The following ERC2 variants were observed in gnomAD, a reference collection of about 807,000 sequenced individuals.
ERC2 encodes ERC protein 2.
Under a neutral mutation model 114.8 loss-of-function variants are expected in ERC2, and 42 were observed. The ratio of observed to expected loss-of-function variants is 0.37; its 90% confidence interval spans 0.29 to 0.47. The LOEUF is 0.47. Ranked by LOEUF, ERC2 falls within the 20% of genes least tolerant of loss-of-function variation. The pLI, the probability that ERC2 is intolerant of heterozygous loss-of-function variation, is 0.99. For missense variants in ERC2, 939 were observed against 1,150.7 expected, an observed-to-expected ratio of 0.82 and a Z score of 2.66; for synonymous variants, 454 against 425.5, an observed-to-expected ratio of 1.07 and a Z score of -0.82.
intron 16 of ERC2, among the ~76,000 whole-genome samples, chr3:55,687,912 G>A (rs2062419705): frequency 6.6e-6 from 1 of 152,222 alleles, no homozygotes; most frequent in African/African-American, 2.4e-5. Flanking sequence ...CAAATGTGGG[G>A]CACCGAGCCT....
At chr3:56,207,227 A>G (rs545734712) in intron 3 of ERC2, among the ~76,000 whole-genome samples, 2 of 152,070 alleles carry the variant, frequency 1.3e-5, no homozygotes, top group African/African-American at 4.8e-5. Flanking sequence ...ATTCAAAACA[A>G]GGGATTATTT....
intron 2 of ERC2, among the ~76,000 whole-genome samples, chr3:56,307,930 A>T (rs1277269153): frequency 6.6e-6 from 1 of 152,192 alleles, no homozygotes; most frequent in Non-Finnish European, 1.5e-5. Flanking sequence ...AGAGGACCAG[A>T]GGGAAACTGT....
At chr3:56,462,813 T>G (rs2063374861) in intron 1 of ERC2, among the ~76,000 whole-genome samples, 2 of 152,176 alleles carry the variant, frequency 1.3e-5, no homozygotes, top group Non-Finnish European at 2.9e-5. Context: ...GGCTTACAAG[T>G]AAAGAGCTTT....
At chr3:56,328,105 A>T (rs1206201376) in intron 2 of ERC2, among the ~76,000 whole-genome samples, 1 of 152,222 alleles carries the variant, frequency 6.6e-6, no homozygotes, top group African/African-American at 2.4e-5. Context: ...TGGGGCAGAA[A>T]TAAAGTGCTA....
At chr3:55,583,380 T>C (rs2057363507) in intron 17 of ERC2, among the ~76,000 whole-genome samples, 1 of 130,898 alleles carries the variant, frequency 7.6e-6, no homozygotes, top group Non-Finnish European at 1.6e-5. Flanking sequence ...CCTTCTTTCC[T>C]TCTTTCTTTC....
At chr3:55,682,682 C>T (rs1404453097) in intron 17 of ERC2, among the ~76,000 whole-genome samples, 1 of 152,214 alleles carries the variant, frequency 6.6e-6, no homozygotes, top group Non-Finnish European at 1.5e-5. Flanking sequence ...AATTGTCCCA[C>T]ACCTGTTGAA....
intron 14 of ERC2, chr3:55,852,741 A>G (rs1427464714): frequency 6.6e-6 from 1 of 152,530 alleles, no homozygotes; most frequent in African/African-American, 2.4e-5. Flanking sequence ...AACATTTAAG[A>G]CATTTCACTA....
At chr3:56,118,866 G>A (rs989553389) in intron 6 of ERC2, among the ~76,000 whole-genome samples, 2 of 152,008 alleles carry the variant, frequency 1.3e-5, no homozygotes, top group Non-Finnish European at 2.9e-5. Context: ...TTGATCTCCT[G>A]ACCTTGTGAC....
chr3:55,926,273 G>A (rs374377175), intron 13 of ERC2, among the ~76,000 whole-genome samples: 11 of 151,916 alleles, frequency 7.2e-5, no homozygotes, highest in African/African-American at 1.7e-4. Flanking sequence ...ACAGCAAAAC[G>A]TCCAGAAGCT....
At chr3:56,170,598 T>G (rs868681753) in intron 4 of ERC2, among the ~76,000 whole-genome samples, 10 of 135,188 alleles carry the variant, frequency 7.4e-5, no homozygotes, top group East Asian at 2.2e-4. Context: ...TTTTTTTTTT[T>G]TTTTTTTTTT....
chr3:56,063,498 T>C (rs915441833), intron 7 of ERC2, among the ~76,000 whole-genome samples: 2 of 152,226 alleles, frequency 1.3e-5, no homozygotes, highest in Non-Finnish European at 1.5e-5. Context: ...CCAACAGTGA[T>C]GGTCAGTTTG....
chr3:56,322,702 A>T (rs2057182966), intron 2 of ERC2, among the ~76,000 whole-genome samples: 1 of 151,890 alleles, frequency 6.6e-6, no homozygotes, highest in Non-Finnish European at 1.5e-5. Flanking sequence ...CAGCACAAGG[A>T]GGGGAAGCCC....
chr3:55,972,676 T>C (rs1235244687), intron 12 of ERC2, among the ~76,000 whole-genome samples: 1 of 152,194 alleles, frequency 6.6e-6, no homozygotes, highest in African/African-American at 2.4e-5. Context: ...GAGTATAACA[T>C]TGATGGGCAT....
chr3:55,743,607 AAAAAAAGAAACAAG>A (rs2066114998), intron 14 of ERC2, among the ~76,000 whole-genome samples: 1 of 151,466 alleles, frequency 6.6e-6, no homozygotes, highest in Non-Finnish European at 1.5e-5. Context: ...AAAAAAAAAA[AAAAAAAGAAACAAG>A]AAAAAAAGAA....
chr3:56,135,879 T>C (rs1033871437), intron 6 of ERC2, among the ~76,000 whole-genome samples: 4 of 152,178 alleles, frequency 2.6e-5, no homozygotes, highest in African/African-American at 9.7e-5. Context: ...TGCTGTGGAA[T>C]TCATGTGTTG....
At chr3:55,640,796 T>C (rs528773635) in intron 17 of ERC2, among the ~76,000 whole-genome samples, 111 of 152,328 alleles carry the variant, frequency 7.3e-4, no homozygotes, top group African/African-American at 2.6e-3. Flanking sequence ...ACAAGCCCTG[T>C]AGGAGACGTT....
intron 15 of ERC2, among the ~76,000 whole-genome samples, chr3:55,718,652 A>G (rs1355234693): frequency 1.3e-5 from 2 of 152,208 alleles, no homozygotes; most frequent in Non-Finnish European, 2.9e-5. Context: ...GTAAGGACCA[A>G]GGTCAGAAGG....
chr3:56,427,073 A>T (rs1385440586), intron 2 of ERC2, among the ~76,000 whole-genome samples: 1 of 150,538 alleles, frequency 6.6e-6, no homozygotes, highest in Non-Finnish European at 1.5e-5. Context: ...AGGCAGGAGG[A>T]TCACTTAACC....
At chr3:55,994,987 G>T (rs1245624352) in intron 10 of ERC2, among the ~76,000 whole-genome samples, 1 of 152,156 alleles carries the variant, frequency 6.6e-6, no homozygotes, top group Admixed American at 6.5e-5. Context: ...CGACTGGCCT[G>T]GTATCTATTA....
Sources: gnomAD v4.1 joint callset for allele counts (sites outside exome capture counted in the v4.1 genomes callset) on GRCh38, gnomAD v4.1.1 for gene constraint, MANE v1.5 for transcripts, NCBI Gene and HGNC (gene_info 2026-07-23, HGNC 2026-07-21) for gene names.